Variants in CLINT1 observed in about 807,000 individuals in gnomAD.
CLINT1 encodes the protein clathrin interactor 1, also known as clathrin interacting protein localized in the trans-Golgi region.
Under a neutral mutation model 70.4 loss-of-function variants are expected in CLINT1, and 15 were observed. The ratio of observed to expected loss-of-function variants is 0.21; its 90% CI spans 0.14 to 0.33. CLINT1 has a LOEUF of 0.33. Among genes scored for constraint, CLINT1 ranks in the 10% least tolerant of loss-of-function variants. The probability of loss-of-function intolerance (pLI) is 1.00; values close to 1 mark genes in which losing one functional copy is unlikely to be tolerated. For synonymous variants in CLINT1, 227 were observed against 254.7 expected (o/e 0.89, Z 1.04); for missense variants, 615 against 778.1 (o/e 0.79, Z 2.49).
At chr5:157,833,463 A>G (rs1036741043) in intron 1 of CLINT1, among the ~76,000 whole-genome samples, 3 of 152,166 alleles carry the variant, frequency 2.0e-5, no homozygotes, top group Non-Finnish European at 4.4e-5. Flanking sequence ...CTCCTGAAGA[A>G]TAGGCCTTTT....
chr5:157,814,272 G>A lies in CLINT1; in HGVS notation c.265C>T (p.Leu89Phe). 6.2e-7 allele frequency: 1 copy of A among 1,609,520 alleles called. No individual in the cohort carries two copies. The change falls in exon 4 of 12, where the codon CTC becomes TTC. Residue 89 changes from leucine (L) to phenylalanine (F), a missense_variant. By Grantham distance (22) the Leu-to-Phe change is conservative. Coordinates refer to ENST00000411809, the MANE Select transcript of CLINT1 (RefSeq NM_014666.4). ...ACACGCTCTGATCCATTCCTTATGA[G>A]GTAAGCTAGGAGCAGCAACGACTGC... ...VYKSLLLLAY[L>F]IRNGSERVVT... is the part of the protein sequence containing the mutation.
At chr5:157,826,459 T>C (rs1299962360) in intron 1 of CLINT1, among the ~76,000 whole-genome samples, 1 of 152,136 alleles carries the variant, frequency 6.6e-6, no homozygotes, top group Non-Finnish European at 1.5e-5. Context: ...CCATGAATTA[T>C]CATTTTCTTA....
chr5:157,831,255 T>C (rs1173039628), intron 1 of CLINT1, among the ~76,000 whole-genome samples: 2 of 151,792 alleles, frequency 1.3e-5, no homozygotes, highest in African/African-American at 4.8e-5. Flanking sequence ...TGGCAGGATC[T>C]TGGCTCACCG....
At chr5:157,832,676 T>C (rs1763284654) in intron 1 of CLINT1, among the ~76,000 whole-genome samples, 1 of 152,224 alleles carries the variant, frequency 6.6e-6, no homozygotes, top group Admixed American at 6.5e-5. Context: ...TCATCACTAC[T>C]TTCCCTCAAA....
chr5:157,791,438 C>T (rs1428031181), intron 10 of CLINT1, among the ~76,000 whole-genome samples: 1 of 152,324 alleles, frequency 6.6e-6, no homozygotes, highest in Middle Eastern at 3.4e-3. Context: ...CATGTTCCTC[C>T]TCTGTGCAAA....
chr5:157,836,055 T>C (rs890198370), intron 1 of CLINT1, among the ~76,000 whole-genome samples: 5 of 152,222 alleles, frequency 3.3e-5, no homozygotes, highest in Admixed American at 6.5e-5. Flanking sequence ...AACTTGTACA[T>C]ACTGGAACCC....
rs564761865 is a variant in CLINT1, at chr5:157,788,564, A to G, written c.1532-572T>C. ...TACACTAATATAACTATCAAGAGCTAACAATCATTTTCCTAAGAATATTAT... is the reference window on the plus strand; with the variant it reads ...TACACTAATATAACTATCAAGAGCTGACAATCATTTTCCTAAGAATATTAT... On this transcript the variant is annotated intron_variant, in intron 11 of 11. Coordinates refer to ENST00000411809, the MANE Select transcript of CLINT1 (RefSeq NM_014666.4). 2.0e-5 allele frequency among the ~76,000 whole-genome samples: 3 copies of G among 152,386 alleles called. No homozygotes were observed. In the South Asian group the frequency reaches 6.2e-4, roughly 32 times the overall value.
chr5:157,816,615 C>T, intron 3 of CLINT1, 119 bp downstream of exon 3: 1 of 619,750 alleles, frequency 1.6e-6, no homozygotes. Flanking sequence ...CTTTCATGTG[C>T]TTTCGATTAT....
rs377300281 is a variant in CLINT1, at chr5:157,856,772, A to G, written c.41+2158T>C. Among the ~76,000 whole-genome samples, 249 of 152,338 alleles carry G rather than the reference A, an allele frequency of 1.6e-3. 2 individuals carry two copies. Among genetic ancestry groups the G allele is most frequent in the African/African-American group, 5.6e-3 (233 of 41,586 alleles). On this transcript the variant is annotated intron_variant, in intron 1 of 11. Transcript: ENST00000411809. ...GCCTTAAAAAGTCTTTGGTGACAACATTCTTCTATGTTCTTGAATAATTTG... is the reference window on the plus strand; with the variant it reads ...GCCTTAAAAAGTCTTTGGTGACAACGTTCTTCTATGTTCTTGAATAATTTG...
chr5:157,820,729 C>T (rs1762857060), intron 1 of CLINT1, among the ~76,000 whole-genome samples: 1 of 152,022 alleles, frequency 6.6e-6, no homozygotes, highest in Non-Finnish European at 1.5e-5. Context: ...ACAATCCCTC[C>T]GTGTTAAAAA....
At chr5:157,836,537 G>A (rs926010519) in intron 1 of CLINT1, among the ~76,000 whole-genome samples, 3 of 152,148 alleles carry the variant, frequency 2.0e-5, no homozygotes, top group South Asian at 2.1e-4. Context: ...GTGTCATTAA[G>A]CGGTGTCATT....
chr5:157,837,628 C>T (rs1008264725), intron 1 of CLINT1, among the ~76,000 whole-genome samples: 3 of 149,250 alleles, frequency 2.0e-5, no homozygotes, highest in African/African-American at 7.4e-5. Context: ...GTCTTGCCAG[C>T]AAATTTCTCA....
At chr5:157,798,066 A>G (rs559905213) in intron 8 of CLINT1, among the ~76,000 whole-genome samples, 1 of 152,316 alleles carries the variant, frequency 6.6e-6, no homozygotes, top group Non-Finnish European at 1.5e-5. Flanking sequence ...CTGGTACTTT[A>G]AGAAATGTGA....
intron 7 of CLINT1, among the ~76,000 whole-genome samples, chr5:157,805,566 G>A (rs1007549319): frequency 3.3e-5 from 5 of 152,062 alleles, no homozygotes; most frequent in African/African-American, 1.2e-4. Context: ...ATCTACTTGT[G>A]GTTGGTAACC....
At chr5:157,848,882 G>A (rs983549707) in intron 1 of CLINT1, among the ~76,000 whole-genome samples, 3 of 152,028 alleles carry the variant, frequency 2.0e-5, no homozygotes, top group Non-Finnish European at 1.5e-5. Context: ...GGTTGGTCTC[G>A]AACTCCTAAC....
chr5:157,850,606 C>G (rs867908789), intron 1 of CLINT1, among the ~76,000 whole-genome samples: 1 of 115,654 alleles, frequency 8.6e-6, no homozygotes, highest in Non-Finnish European at 1.7e-5. Flanking sequence ...AAGTGAGACC[C>G]TGTCTCAAAA....
Position 157,805,910 on chromosome 5 carries a change from G to C in CLINT1, c.898C>G (p.Pro300Ala). 1 of 1,613,904 alleles carries C rather than the reference G, an allele frequency of 6.2e-7. No homozygotes were observed. The highest frequency in any genetic ancestry group is 1.3e-5 in the African/African-American group (1 of 75,024). ...AAHYTGDKAS[P>A]DQNASTHTPQ... ...GTGTGGGTTGAAGCATTCTGATCTG[G>C]ACTTGCTTTGTCCCCTGTGTAATGT... The change falls in exon 7 of 12, where the codon CCA becomes GCA. Residue 300 changes from proline (P) to alanine (A), a missense_variant. Physicochemically the swap from Pro to Ala is conservative, Grantham distance 27. Transcript: ENST00000411809.
intron 1 of CLINT1, among the ~76,000 whole-genome samples, chr5:157,831,113 G>A (rs1338186331): frequency 6.6e-6 from 1 of 151,296 alleles, no homozygotes; most frequent in Non-Finnish European, 1.5e-5. Flanking sequence ...CTTGTTTTTA[G>A]CTTTTAGTTT....
intron 1 of CLINT1, among the ~76,000 whole-genome samples, chr5:157,822,549 C>T (rs1222934510): frequency 6.6e-6 from 1 of 152,190 alleles, no homozygotes; most frequent in Non-Finnish European, 1.5e-5. Context: ...ACACATGCTT[C>T]TAGAGCTATG....
Sources: gnomAD v4.1 joint callset for allele counts (sites outside exome capture counted in the v4.1 genomes callset) on GRCh38, gnomAD v4.1.1 for gene constraint, MANE v1.5 for transcripts, NCBI Gene and HGNC (gene_info 2026-07-23, HGNC 2026-07-21) for gene names.